DGKA: variants seen among roughly 807,000 people sequenced by gnomAD.
DGKA encodes diacylglycerol kinase alpha, also known as 80 kDa diacylglycerol kinase.
DGKA carries 35 observed loss-of-function variants against 105.0 expected under a neutral mutation model. The ratio of observed to expected loss-of-function variants is 0.33; its 90% CI spans 0.25 to 0.44. The LOEUF (loss-of-function observed/expected upper bound fraction) is 0.44. Ranked by LOEUF, DGKA falls within the 20% of genes least tolerant of loss-of-function variation. The pLI, the probability that DGKA is intolerant of heterozygous loss-of-function variation, is 1.00. For synonymous variants in DGKA, 296 were observed against 332.0 expected (o/e 0.89, Z 1.18); for missense variants, 665 against 915.0 (o/e 0.73, Z 3.53).
intron 1 of DGKA, chr12:55,935,935 T>C (rs1240071873): frequency 3.0e-6 from 3 of 986,250 alleles, no homozygotes; most frequent in African/African-American, 3.5e-5. Flanking sequence ...AATGGGGTCA[T>C]GGCCAGGAAG....
chr12:55,936,216 G>A, intron 1 of DGKA: 1 of 589,626 alleles, frequency 1.7e-6, no homozygotes, highest in Non-Finnish European at 2.6e-6. Context: ...ATGAGTCAGA[G>A]AAACAGAGAC....
At chr12:55,930,275 G>A (rs1883338191), upstream of DGKA, among the ~76,000 whole-genome samples, 1 of 151,670 alleles carries the variant, frequency 6.6e-6, no homozygotes. Context: ...TGACTAAGGA[G>A]GTCATAGAGG....
rs755791540 is a variant in DGKA at position 55,940,908 on chromosome 12, G to A, written c.1029G>A (p.Pro343=). ...SIYPSVLASG[P]DRKNSKTSQK... ...TCTTCCCCTCCCAGGCCTCTGGACC[G>A]GATCGTAAAAATAGCAAAACAAGCC... Residue 343 remains proline, a synonymous_variant, in exon 13 of 24, where the codon CCG becomes CCA. Coordinates refer to ENST00000331886, the MANE Select transcript of DGKA (RefSeq NM_001345.5). This position sits in a 1 kb window ranked among gnomAD's most constrained non-coding sequence, Gnocchi z 4.3. 25 of 1,613,930 alleles carry A rather than the reference G, an allele frequency of 1.5e-5. No homozygotes were observed. Among genetic ancestry groups the A allele is most frequent in the South Asian group, 2.2e-5 (2 of 91,062 alleles).
At position 55,952,549 on chromosome 12, in the gene DGKA, C is replaced by A; in HGVS notation, c.1743+118C>A. 1 of 1,223,002 alleles carries A rather than the reference C, an allele frequency of 8.2e-7. No homozygotes were observed. Among genetic ancestry groups the A allele is most frequent in the Non-Finnish European group, 1.2e-6 (1 of 838,924 alleles). The allele number at this position is 1,223,002 out of a possible 1,614,324, so 75.8% of individuals were successfully genotyped here. ...TTGAACCTATGCTTCTTTAACCTCC[C>A]AGCTCTCCTACCCCAATTCTCCAAG... On this transcript the variant is annotated intron_variant, in intron 20 of 23. Coordinates refer to ENST00000331886, the MANE Select transcript of DGKA (RefSeq NM_001345.5). The surrounding 1 kb of genome is among the most constrained non-coding windows in gnomAD (Gnocchi z 5.1).
chr12:55,937,863 C>CA (rs1592681086), intron 4 of DGKA, 115 bp from the exon 5 acceptor site: 7 of 985,134 alleles, frequency 7.1e-6, no homozygotes, highest in African/African-American at 3.3e-5. Context: ...CCCTGTCTCT[C>CA]AAAAAAATCA....
At chr12:55,946,344 T>TG (rs1555188662) in intron 17 of DGKA, among the ~76,000 whole-genome samples, 11 of 151,198 alleles carry the variant, frequency 7.3e-5, no homozygotes, top group Admixed American at 5.9e-4. Flanking sequence ...CTAATTTTGT[T>TG]TTGTTGTTGT....
chr12:55,927,759 CAT>C (rs1883222941), upstream of DGKA: 3 of 1,539,266 alleles, frequency 1.9e-6, no homozygotes, highest in Non-Finnish European at 2.6e-6. Context: ...CGGCAGCTTC[CAT>C]GGCCGAAGAG....
upstream of DGKA, chr12:55,927,877 G>T: frequency 7.2e-7 from 1 of 1,379,510 alleles, no homozygotes; most frequent in Non-Finnish European, 9.7e-7. Flanking sequence ...TTCTCGCCCA[G>T]ACCTCCTAAC....
chr12:55,944,737 T>C (rs1886676837), intron 17 of DGKA, among the ~76,000 whole-genome samples: 1 of 152,214 alleles, frequency 6.6e-6, no homozygotes, highest in African/African-American at 2.4e-5. Flanking sequence ...GGACATTTCC[T>C]AGGTTTGTGG....
At chr12:55,946,756 G>T (rs563974230) in intron 17 of DGKA, among the ~76,000 whole-genome samples, 91 of 152,310 alleles carry the variant, frequency 6.0e-4, no homozygotes, top group South Asian at 3.3e-3. Context: ...AGAAAGGAAA[G>T]TCCCTCTGTA....
chr12:55,935,723 T>G (rs1884501103), intron 1 of DGKA: 1 of 209,494 alleles, frequency 4.8e-6, no homozygotes, highest in South Asian at 1.7e-4. Context: ...TTCCCCTGCC[T>G]CTTCCCTACC....
chr12:55,943,848 A>G (rs1299505477), intron 17 of DGKA, among the ~76,000 whole-genome samples: 1 of 152,176 alleles, frequency 6.6e-6, no homozygotes, highest in African/African-American at 2.4e-5. Context: ...ATAATATTAG[A>G]TATTTTGAAA....
chr12:55,940,021 G>T lies in DGKA; in HGVS notation c.710-61G>T. The T allele has an allele frequency of 1.4e-6, 2 of 1,455,368 alleles. No individual in the cohort carries two copies. The highest frequency in any genetic ancestry group is 1.9e-6 in the Non-Finnish European group (2 of 1,037,132). The allele number at this position is 1,455,368 out of a possible 1,614,324, so 90.2% of individuals were successfully genotyped here. A position where few individuals can be genotyped will look rare whatever the true frequency, so the allele number is the denominator to read the frequency against. On this transcript the variant is annotated intron_variant, in intron 9 of 23. Coordinates refer to ENST00000331886, the MANE Select transcript of DGKA (RefSeq NM_001345.5). This position sits in a 1 kb window ranked among gnomAD's most constrained non-coding sequence, Gnocchi z 4.3. ...ATATCTGATCCTGCCTCACCCTCAGGTAAGAAGGAAATAGGGGGAGAGGCT... is the reference window on the plus strand; with the variant it reads ...ATATCTGATCCTGCCTCACCCTCAGTTAAGAAGGAAATAGGGGGAGAGGCT...
At chr12:55,950,565 C>A (rs1887965024) in intron 17 of DGKA, among the ~76,000 whole-genome samples, 1 of 152,134 alleles carries the variant, frequency 6.6e-6, no homozygotes, top group Non-Finnish European at 1.5e-5. Context: ...CTCGGCCTCC[C>A]AAAGTACTGG....
Position 55,953,351 on chromosome 12 carries a change from A to G in DGKA, c.2065A>G (p.Thr689Ala). The change falls in exon 23 of 24, where the codon ACC (threonine) becomes GCC (alanine). Residue 689 changes from threonine to alanine, a missense_variant and splice_region_variant. Transcript: ENST00000331886. ...LAKCSEITFH[T>A]TKTLPMQIDG... ...CCAATGTTCCTTGGCCTCCTATAGC[A>G]CCACAAAAACCCTTCCCATGCAAAT... 6.2e-7 allele frequency: 1 copy of G among 1,614,058 alleles called. No individual in the cohort carries two copies. Among genetic ancestry groups the G allele is most frequent in the Non-Finnish European group, 8.5e-7 (1 of 1,179,994 alleles).
chr12:55,937,691 G>T, intron 4 of DGKA, 148 bp downstream of exon 4: 1 of 1,090,666 alleles, frequency 9.2e-7, no homozygotes, highest in Non-Finnish European at 1.3e-6. Flanking sequence ...GGAGCTAAAG[G>T]GAGGAAAGGT....
At chr12:55,928,539 G>A (rs1883242344), upstream of DGKA, among the ~76,000 whole-genome samples, 1 of 151,866 alleles carries the variant, frequency 6.6e-6, no homozygotes, top group Non-Finnish European at 1.5e-5. Context: ...TTAGCCGGGC[G>A]TGGTGGCGGG....
chr12:55,941,532 A>G lies in DGKA; in HGVS notation c.1198A>G (p.Ile400Val), dbSNP rs776085733. Residue 400 changes from isoleucine (I) to valine (V), a missense_variant, in exon 15 of 24, where the codon ATA (isoleucine) becomes GTA (valine). By Grantham distance (29) the Ile-to-Val change is conservative. Around this residue, in one of 3 missense-constraint regions of DGKA, gnomAD observed 504 missense variants for 681.2 expected, o/e 0.74. Coordinates refer to ENST00000331886, the MANE Select transcript of DGKA (RefSeq NM_001345.5). ...GQRVLWKFQYILNPRQVFNLL... is the reference protein window; with the variant it reads ...GQRVLWKFQYVLNPRQVFNLL... ...CAGGGTGCTCTGGAAGTTCCAGTAT[A>G]TATTAAACCCTCGACAGGTGTTCAA... The G allele has an allele frequency of 5.7e-5, 92 of 1,613,984 alleles. No homozygotes were observed. Among genetic ancestry groups the G allele is most frequent in the Non-Finnish European group, 7.4e-5 (87 of 1,180,020 alleles).
At chr12:55,941,223 T>A in intron 13 of DGKA, 29 bp from the exon 14 acceptor site, 1 of 1,596,698 alleles carries the variant, frequency 6.3e-7, no homozygotes, top group Non-Finnish European at 8.6e-7. Context: ...TCCTGCTTTC[T>A]TTGTCCTTAT....
Sources: allele counts gnomAD v4.1 joint callset (sites outside exome capture counted in the v4.1 genomes callset), GRCh38; gene constraint gnomAD v4.1.1; regional missense constraint gnomAD v4.1.1; non-coding constraint Gnocchi (gnomAD v3.1); transcripts MANE v1.5; gene names NCBI Gene and HGNC (gene_info 2026-07-23, HGNC 2026-07-21).